The following FGL1 variants were observed in gnomAD, a reference collection of about 807,000 sequenced individuals.
FGL1 encodes fibrinogen-like protein 1.
A neutral mutation model predicts 43.7 loss-of-function variants in FGL1; 59 were observed. The observed-to-expected ratio is 1.35, with a 90% CI of 1.10 to 1.68. The LOEUF (loss-of-function observed/expected upper bound fraction) is 1.68. Among genes scored for constraint, FGL1 ranks in the 40% most tolerant of loss-of-function variants. FGL1 has a pLI of 0.00. For synonymous variants in FGL1, 192 were observed against 126.5 expected (o/e 1.52, Z -3.48); for missense variants, 596 against 373.0 (o/e 1.60, Z -4.92).
chr8:17,867,468 C>T (rs2053287018), intron 7 of FGL1, among the ~76,000 whole-genome samples: 1 of 152,062 alleles, frequency 6.6e-6, no homozygotes, highest in Non-Finnish European at 1.5e-5. Flanking sequence ...AATATACATA[C>T]CTATGACAAA....
At chr8:17,868,828 T>C (rs1347723389) in intron 6 of FGL1, 88 bp downstream of exon 6, 1 of 1,472,808 alleles carries the variant, frequency 6.8e-7, no homozygotes, top group Non-Finnish European at 9.2e-7. Flanking sequence ...CAGGTTCTAT[T>C]GTATATTTTT....
At chr8:17,868,491 T>A (rs993077658) in intron 7 of FGL1, 57 bp downstream of exon 7, 1 of 1,277,944 alleles carries the variant, frequency 7.8e-7, no homozygotes, top group Non-Finnish European at 1.1e-6. Context: ...TGATAATTAA[T>A]GTCTATCAGT....
intron 3 of FGL1, among the ~76,000 whole-genome samples, chr8:17,881,087 A>C (rs1331146371): frequency 2.0e-5 from 3 of 151,984 alleles, no homozygotes; most frequent in Non-Finnish European, 4.4e-5. Context: ...ATACACAAAC[A>C]CAAAGCTCAA....
chr8:17,886,789 G>T (rs565522036), intron 1 of FGL1, among the ~76,000 whole-genome samples: 80 of 41,968 alleles, frequency 1.9e-3, no homozygotes, highest in Middle Eastern at 0.048. Flanking sequence ...GAAGAGAGGA[G>T]AGGAGAGGAG....
At chr8:17,885,744 A>AC (rs2053618702) in intron 1 of FGL1, 173 bp from the exon 2 acceptor site, 8 of 590,616 alleles carry the variant, frequency 1.4e-5, no homozygotes, top group Non-Finnish European at 1.8e-5. Context: ...ACAGAATGAC[A>AC]CTGAGTGTTA....
At chr8:17,886,302 G>A (rs1443371543) in intron 1 of FGL1, among the ~76,000 whole-genome samples, 1 of 152,162 alleles carries the variant, frequency 6.6e-6, no homozygotes, top group Admixed American at 6.5e-5. Context: ...AGGAGTTGGG[G>A]ACTTTTGGTT....
intron 1 of FGL1, among the ~76,000 whole-genome samples, chr8:17,887,131 C>G (rs1056743025): frequency 6.7e-6 from 1 of 148,316 alleles, no homozygotes; most frequent in Non-Finnish European, 1.5e-5. Context: ...CTTTCCCAGG[C>G]TTCTTCTCTT....
chr8:17,869,652 G>A (rs1585128098), intron 5 of FGL1, among the ~76,000 whole-genome samples: 2 of 152,196 alleles, frequency 1.3e-5, no homozygotes, highest in African/African-American at 4.8e-5. Flanking sequence ...GATGTCATTG[G>A]AAGAGAATTT....
intron 5 of FGL1, among the ~76,000 whole-genome samples, chr8:17,870,857 G>A (rs1398440288): frequency 6.6e-6 from 1 of 151,756 alleles, no homozygotes; most frequent in East Asian, 1.9e-4. Context: ...AGTGAGCCGA[G>A]ATCGCGCCAC....
chr8:17,882,161 G>A lies in FGL1; in HGVS notation c.82C>T (p.Gln28Ter), dbSNP rs369514263. The change falls in exon 3 of 8, where the codon CAG (glutamine) becomes TAG (stop). Residue 28 changes from glutamine (Q) to a stop codon, truncating the protein, a stop_gained. Coordinates refer to ENST00000427924, the MANE Select transcript of FGL1 (RefSeq NM_004467.4). LOFTEE classifies it high-confidence loss of function. Reference protein sequence around the residue: ...REISALEDCAQEQMRLRAQVR... With the variant: ...REISALEDCA ...TGGGCTCTGAGCCGCATCTGCTCCT[G>A]GGCACAGTCCTCGAGCGCCTGCAAA... 10 of 1,613,598 alleles carry A rather than the reference G, an allele frequency of 6.2e-6. No individual in the cohort carries two copies. The highest frequency in any genetic ancestry group is 8.5e-6 in the Non-Finnish European group (10 of 1,179,958).
intron 5 of FGL1, among the ~76,000 whole-genome samples, chr8:17,871,391 G>A (rs2053357504): frequency 6.6e-6 from 1 of 151,710 alleles, no homozygotes; most frequent in South Asian, 2.1e-4. Flanking sequence ...CTACTCAGGA[G>A]GCTGAGGCAT....
At chr8:17,871,506 A>AC (rs1320330355) in intron 5 of FGL1, among the ~76,000 whole-genome samples, 6 of 152,102 alleles carry the variant, frequency 3.9e-5, no homozygotes, top group African/African-American at 7.2e-5. Context: ...AAAAAAACAA[A>AC]AAAAAAAAAC....
At position 17,868,985 on chromosome 8, in the gene FGL1, G is replaced by A. The variant is rs753488417; in HGVS notation, c.522C>T (p.Ile174=). 3 of 1,600,626 alleles carry A rather than the reference G, an allele frequency of 1.9e-6. No homozygotes were observed. The highest frequency in any genetic ancestry group is 2.3e-5 in the South Asian group (2 of 87,950). Residue 174 remains isoleucine (I), a synonymous_variant, in exon 6 of 8, where the codon ATC becomes ATT. Transcript: ENST00000427924. ...LTTQEDYTLK[I]DLADFEKNSR... The stretch of plus-strand genomic sequence containing the variant: ...TATTTTTTTCAAAATCTGCAAGGTC[G>A]ATTTTTAAAGTGTAGTCTTCTAAAA...
chr8:17,895,409 C>A lies in FGL1; in HGVS notation c.-18+38G>T, dbSNP rs1160127667. The A allele has an allele frequency of 7.8e-6, 10 of 1,274,972 alleles. No individual in the cohort carries two copies. The East Asian group carries it at 5.7e-4, about 72-fold the overall frequency. The allele number at this position is 1,274,972 out of a possible 1,614,324, so 79.0% of individuals were successfully genotyped here. A position where few individuals can be genotyped will look rare whatever the true frequency, so the allele number is the denominator to read the frequency against. On this transcript the variant is annotated intron_variant, in intron 1 of 7. Coordinates refer to ENST00000427924, the MANE Select transcript of FGL1 (RefSeq NM_004467.4). The stretch of plus-strand genomic sequence containing the variant: ...CCTGTGAAATAAATTAGCATTATTA[C>A]AAGCATGTCAAAAATGCAGAGACAT...
At chr8:17,895,298 C>G (rs1330969098) in intron 1 of FGL1, 149 bp downstream of exon 1, 1 of 1,070,800 alleles carries the variant, frequency 9.3e-7, no homozygotes, top group African/African-American at 1.7e-5. Flanking sequence ...ATCTCTTCTC[C>G]AAGTAGCAGA....
chr8:17,887,024 A>G (rs1178515614), intron 1 of FGL1, among the ~76,000 whole-genome samples: 1 of 152,078 alleles, frequency 6.6e-6, no homozygotes, highest in African/African-American at 2.4e-5. Context: ...AATATGGAAG[A>G]TTTACTTTCT....
chr8:17,890,776 C>A (rs969235216), intron 1 of FGL1, among the ~76,000 whole-genome samples: 1 of 152,132 alleles, frequency 6.6e-6, no homozygotes, highest in Non-Finnish European at 1.5e-5. Flanking sequence ...TCCTTCTTCA[C>A]ATGATGGCAG....
intron 5 of FGL1, among the ~76,000 whole-genome samples, chr8:17,873,337 G>T (rs1384318641): frequency 6.6e-6 from 1 of 152,104 alleles, no homozygotes; most frequent in Admixed American, 6.6e-5. Flanking sequence ...CTAGCTAGCT[G>T]GAAGATGAGA....
intron 1 of FGL1, among the ~76,000 whole-genome samples, chr8:17,886,718 AATG>A (rs1206547238): frequency 6.6e-6 from 1 of 152,140 alleles, no homozygotes; most frequent in African/African-American, 2.4e-5. Context: ...AGATCGTGCC[AATG>A]CACTCCAGCC....
Sources: gnomAD v4.1 joint callset for allele counts (sites outside exome capture counted in the v4.1 genomes callset) on GRCh38, gnomAD v4.1.1 for gene constraint, MANE v1.5 for transcripts, NCBI Gene and HGNC (gene_info 2026-07-23, HGNC 2026-07-21) for gene names.